Variants in STAP1 observed in about 807,000 individuals in gnomAD.
STAP1 encodes signal transducing adaptor family member 1, also known as signal-transducing adaptor protein 1.
STAP1 carries 30 observed loss-of-function variants against 37.8 expected under a neutral mutation model. The observed-to-expected ratio is 0.79, with a 90% CI of 0.59 to 1.08. The LOEUF (loss-of-function observed/expected upper bound fraction) is 1.08, where lower values mean the gene tolerates loss of function less well. Among genes scored for constraint, STAP1 ranks in the 50% least tolerant of loss-of-function variants. The pLI, the probability that STAP1 is intolerant of heterozygous loss-of-function variation, is 0.00. For synonymous variants in STAP1, 130 were observed against 116.0 expected, an observed-to-expected ratio of 1.12 and a Z score of -0.78; for missense variants, 357 against 349.4, an observed-to-expected ratio of 1.02 and a Z score of -0.17.
intron 1 of STAP1, among the ~76,000 whole-genome samples, chr4:67,562,429 A>G (rs970586004): frequency 6.6e-6 from 1 of 151,764 alleles, no homozygotes; most frequent in Non-Finnish European, 1.5e-5. Flanking sequence ...AAAATAACAC[A>G]CTCCTTTCAG....
At chr4:67,606,266 T>C in intron 8 of STAP1, 30 bp from the exon 9 acceptor site, 1 of 1,587,426 alleles carries the variant, frequency 6.3e-7, no homozygotes, top group Non-Finnish European at 8.6e-7. Flanking sequence ...ATTGGTTCGC[T>C]AATTAAGTTT....
chr4:67,593,209 C>T (rs1168982422), intron 7 of STAP1, 51 bp from the exon 8 acceptor site: 1 of 1,338,460 alleles, frequency 7.5e-7, no homozygotes, highest in Non-Finnish European at 1.1e-6. Context: ...TTCTCTTACT[C>T]TATACTTATG....
intron 1 of STAP1, among the ~76,000 whole-genome samples, chr4:67,564,758 C>T (rs1261222983): frequency 6.6e-6 from 1 of 151,988 alleles, no homozygotes; most frequent in Non-Finnish European, 1.5e-5. Context: ...ACTAAAAATA[C>T]AAAAATTAGC....
chr4:67,604,915 T>G (rs918851775), intron 8 of STAP1, among the ~76,000 whole-genome samples: 7 of 152,168 alleles, frequency 4.6e-5, no homozygotes, highest in African/African-American at 1.7e-4. Context: ...TGGGACTTGG[T>G]TGTGGTTTAT....
chr4:67,575,609 T>C, intron 3 of STAP1, 111 bp downstream of exon 3: 1 of 796,680 alleles, frequency 1.3e-6, no homozygotes, highest in Non-Finnish European at 2.0e-6. Context: ...TCTTACACTT[T>C]GTTAATATTT....
At chr4:67,582,717 T>G (rs1051657292) in intron 5 of STAP1, among the ~76,000 whole-genome samples, 3 of 152,198 alleles carry the variant, frequency 2.0e-5, no homozygotes, top group African/African-American at 7.2e-5. Flanking sequence ...GTTAAATGAC[T>G]TTTTGACTTT....
intron 3 of STAP1, among the ~76,000 whole-genome samples, chr4:67,576,128 C>T (rs1291304159): frequency 6.6e-6 from 1 of 152,134 alleles, no homozygotes; most frequent in African/African-American, 2.4e-5. Context: ...GTCTTTGTTT[C>T]TTCACCCGGA....
intron 8 of STAP1, among the ~76,000 whole-genome samples, chr4:67,595,239 C>T (rs1728198208): frequency 6.6e-6 from 1 of 151,676 alleles, no homozygotes; most frequent in South Asian, 2.1e-4. Flanking sequence ...GTAATTGTTC[C>T]AGCCCCATTT....
intron 3 of STAP1, 32 bp downstream of exon 3, chr4:67,575,530 G>T (rs1038411922): frequency 6.8e-7 from 1 of 1,479,868 alleles, no homozygotes; most frequent in Non-Finnish European, 9.3e-7. Context: ...TCTGTAAAGG[G>T]TTGTGGTTAT....
intron 6 of STAP1, among the ~76,000 whole-genome samples, chr4:67,588,021 G>T (rs1242064032): frequency 1.5e-5 from 2 of 129,402 alleles, no homozygotes; most frequent in East Asian, 2.3e-4. Flanking sequence ...ACCGCACCCG[G>T]CTGGGGACAC....
intron 6 of STAP1, among the ~76,000 whole-genome samples, chr4:67,584,325 A>G (rs568317862): frequency 3.9e-5 from 6 of 152,330 alleles, no homozygotes; most frequent in Admixed American, 2.6e-4. Flanking sequence ...CAGTGAAAAA[A>G]ACAAACATCT....
At chr4:67,591,402 TG>T (rs1275262515) in intron 7 of STAP1, among the ~76,000 whole-genome samples, 1 of 152,206 alleles carries the variant, frequency 6.6e-6, no homozygotes, top group Non-Finnish European at 1.5e-5. Flanking sequence ...TGACTTACCA[TG>T]GGGCTAATGA....
intron 2 of STAP1, among the ~76,000 whole-genome samples, chr4:67,574,813 A>G (rs948542051): frequency 6.6e-6 from 1 of 152,202 alleles, no homozygotes; most frequent in Non-Finnish European, 1.5e-5. Flanking sequence ...GCAGAAAAAA[A>G]GTGCTGCCCC....
chr4:67,577,223 G>A lies in STAP1; in HGVS notation c.327G>A (p.Gly109=), dbSNP rs910327862. The change falls in exon 4 of 9, where the codon GGG becomes GGA. Residue 109 remains glycine, a synonymous_variant. Coordinates refer to ENST00000265404, the MANE Select transcript of STAP1 (RefSeq NM_012108.4). The part of the protein sequence containing the change: ...VQLKTENTES[G]EEWRGFILTV... ...TTTAGACAGAGAACACAGAAAGTGG[G>A]GAAGAATGGAGAGGCTTCATTCTTA... The A allele has an allele frequency of 3.1e-6, 5 of 1,610,114 alleles. No homozygotes were observed. Among genetic ancestry groups the A allele is most frequent in the East Asian group, 4.5e-5 (2 of 44,762 alleles).
At position 67,573,983 on chromosome 4, in the gene STAP1, G is replaced by A. The variant is rs763765158; in HGVS notation, c.193-1402G>A. 1.4e-4 allele frequency among the ~76,000 whole-genome samples: 22 copies of A among 152,228 alleles called. 1 individual carries two copies. Among genetic ancestry groups the A allele is most frequent in the Admixed American group, 4.6e-4 (7 of 15,286 alleles). ...AAGGCAAGCCCGTTGCATATAGAGAGTGGAAATTGACCAATTTCTCAGAAG... is the reference window on the plus strand; with the variant it reads ...AAGGCAAGCCCGTTGCATATAGAGAATGGAAATTGACCAATTTCTCAGAAG... On this transcript the variant is annotated intron_variant, in intron 2 of 8. Coordinates refer to ENST00000265404, the MANE Select transcript of STAP1 (RefSeq NM_012108.4).
rs537318483 is a variant in STAP1, at chr4:67,583,594, G to A, written c.551G>A (p.Arg184Gln). The part of the protein sequence containing the change: ...PMPACFYTVS[R>Q]KEATEMLQKN... ...TGTAGATGTTTTTATACAGTGTCCC[G>A]GAAAGAGGCAACTGAGATGCTCCAG... Residue 184 changes from arginine (R) to glutamine (Q), a missense_variant, in exon 6 of 9, where the codon CGG becomes CAG. Arg to Gln is a conservative substitution (Grantham distance 43). Transcript: ENST00000265404. 6.2e-6 allele frequency: 10 copies of A among 1,612,218 alleles called. No homozygotes were observed. Among genetic ancestry groups the A allele is most frequent in the South Asian group, 5.5e-5 (5 of 90,908 alleles).
chr4:67,566,846 T>G (rs563517449), intron 1 of STAP1, among the ~76,000 whole-genome samples: 9 of 152,264 alleles, frequency 5.9e-5, no homozygotes, highest in African/African-American at 1.9e-4. Flanking sequence ...GGAACATGCC[T>G]GTAGTCCTAG....
chr4:67,603,583 A>T (rs941163168), intron 8 of STAP1, among the ~76,000 whole-genome samples: 1 of 152,084 alleles, frequency 6.6e-6, no homozygotes, highest in South Asian at 2.1e-4. Flanking sequence ...AGCATGCTTT[A>T]GTCAGTAGGT....
chr4:67,583,850 A>C, intron 6 of STAP1, 148 bp downstream of exon 6: 1 of 855,950 alleles, frequency 1.2e-6, no homozygotes, highest in Non-Finnish European at 1.7e-6. Context: ...TGTAATCTCA[A>C]CACTTCGGGA....
Sources: allele counts gnomAD v4.1 joint callset (sites outside exome capture counted in the v4.1 genomes callset), GRCh38; gene constraint gnomAD v4.1.1; transcripts MANE v1.5; gene names NCBI Gene and HGNC (gene_info 2026-07-23, HGNC 2026-07-21).